Variants in SEZ6L observed in about 807,000 individuals in gnomAD.
SEZ6L encodes seizure 6-like protein.
A neutral mutation model predicts 106.2 loss-of-function variants in SEZ6L; 37 were observed. The observed-to-expected ratio is 0.35, with a 90% CI of 0.27 to 0.46. The LOEUF (loss-of-function observed/expected upper bound fraction) is 0.46, where lower values mean the gene tolerates loss of function less well. Among genes scored for constraint, SEZ6L ranks in the 20% least tolerant of loss-of-function variants. The pLI is 1.00. For missense variants in SEZ6L, 1,172 were observed against 1,332.8 expected, an observed-to-expected ratio of 0.88 and a Z score of 1.88; for synonymous variants, 541 against 570.4, an observed-to-expected ratio of 0.95 and a Z score of 0.73.
chr22:26,275,616 G>T (rs556412441), intron 1 of SEZ6L, among the ~76,000 whole-genome samples: 1 of 152,264 alleles, frequency 6.6e-6, no homozygotes, highest in South Asian at 2.1e-4. Flanking sequence ...GACTGTCCTA[G>T]CCCAGAGCTT....
At chr22:26,276,547 C>A (rs2080550096) in intron 1 of SEZ6L, among the ~76,000 whole-genome samples, 1 of 152,222 alleles carries the variant, frequency 6.6e-6, no homozygotes, top group African/African-American at 2.4e-5. Flanking sequence ...TATTATAATT[C>A]TCTACATAGG....
intron 1 of SEZ6L, among the ~76,000 whole-genome samples, chr22:26,199,983 T>TC: frequency 6.6e-6 from 1 of 152,268 alleles, no homozygotes; most frequent in South Asian, 2.1e-4. Flanking sequence ...ACAACAGCCC[T>TC]CCAACTTGAT....
intron 3 of SEZ6L, among the ~76,000 whole-genome samples, chr22:26,295,748 T>C (rs1379645816): frequency 6.6e-6 from 1 of 152,212 alleles, no homozygotes; most frequent in Non-Finnish European, 1.5e-5. Flanking sequence ...GCAAAGCTGT[T>C]GACACAGGAG....
rs563450794 is a variant in SEZ6L at position 26,296,908 on chromosome 22, C to T, written c.990C>T (p.Ser330=). 30 of 1,609,900 alleles carry T rather than the reference C, an allele frequency of 1.9e-5. No individual in the cohort carries two copies. In the Admixed American group the frequency reaches 2.0e-4, roughly 11 times the overall value. The change falls in exon 4 of 17, where the codon TCC becomes TCT. Residue 330 remains serine, a synonymous_variant. Transcript: ENST00000248933. ...VELQVKSVNL[S]DGELLSIRGV... ...CCCAGGTGAAGAGTGTGAACCTGTC[C>T]GATGGGGAACTGCTCTCCATCCGCG...
At chr22:26,286,611 C>T (rs764845286) in intron 1 of SEZ6L, among the ~76,000 whole-genome samples, 17 of 152,144 alleles carry the variant, frequency 1.1e-4, no homozygotes, top group Non-Finnish European at 2.4e-4. Context: ...TCTCCCAGCT[C>T]TCGTTTCTTC....
intron 3 of SEZ6L, among the ~76,000 whole-genome samples, chr22:26,295,687 C>T (rs970810113): frequency 4.6e-5 from 7 of 152,156 alleles, no homozygotes; most frequent in Non-Finnish European, 1.0e-4. Flanking sequence ...TGTGTGGAGC[C>T]TTTTACCAGG....
At position 26,346,025 on chromosome 22, in the gene SEZ6L, GT is replaced by G. The variant is rs5844689; in HGVS notation, c.2213-1684del. 1.8e-3 allele frequency among the ~76,000 whole-genome samples: 266 copies of G among 149,866 alleles called. 3 individuals carry two copies. Among genetic ancestry groups the G allele is most frequent in the African/African-American group, 6.0e-3 (245 of 40,882 alleles). ...ATTTTTATTTATTTCTGTTCAAATTGTTTTTTTTTTCTTTTCTTTTGAGACA... is the reference window on the plus strand; with the variant it reads ...ATTTTTATTTATTTCTGTTCAAATTGTTTTTTTTTCTTTTCTTTTGAGACA... On this transcript the variant is annotated intron_variant, in intron 10 of 16. Transcript: ENST00000248933.
At chr22:26,340,970 G>A (rs191559043) in intron 10 of SEZ6L, among the ~76,000 whole-genome samples, 139 of 152,238 alleles carry the variant, frequency 9.1e-4, no homozygotes, top group African/African-American at 3.1e-3. Flanking sequence ...TTTCATGTGT[G>A]GTCAGCTGAG....
intron 1 of SEZ6L, among the ~76,000 whole-genome samples, chr22:26,226,260 C>G (rs1021757756): frequency 2.0e-5 from 3 of 152,216 alleles, no homozygotes; most frequent in Non-Finnish European, 4.4e-5. Context: ...CTCCCCATTG[C>G]TTTCAGAATA....
chr22:26,212,209 A>T (rs1289196472), intron 1 of SEZ6L, among the ~76,000 whole-genome samples: 1 of 152,174 alleles, frequency 6.6e-6, no homozygotes, highest in Non-Finnish European at 1.5e-5. Flanking sequence ...CAGACCACAC[A>T]TGGCCTTTCA....
chr22:26,325,456 T>C (rs953385226), intron 9 of SEZ6L, among the ~76,000 whole-genome samples: 7 of 152,208 alleles, frequency 4.6e-5, no homozygotes, highest in African/African-American at 1.7e-4. Flanking sequence ...AAGGAACTTG[T>C]GTAAAATCTC....
intron 9 of SEZ6L, among the ~76,000 whole-genome samples, chr22:26,332,275 G>A (rs777999847): frequency 2.7e-5 from 4 of 150,136 alleles, no homozygotes; most frequent in African/African-American, 4.9e-5. Context: ...TCAGCCTCCC[G>A]AGTAGCTGGG....
chr22:26,363,430 A>G (rs1373417704), intron 12 of SEZ6L, among the ~76,000 whole-genome samples: 3 of 152,226 alleles, frequency 2.0e-5, no homozygotes, highest in Non-Finnish European at 4.4e-5. Context: ...TTGCTCAATA[A>G]ACATTATCTG....
At chr22:26,231,632 A>G (rs889307490) in intron 1 of SEZ6L, among the ~76,000 whole-genome samples, 1 of 152,078 alleles carries the variant, frequency 6.6e-6, no homozygotes, top group Non-Finnish European at 1.5e-5. Context: ...CATTTGTTCT[A>G]TTCTTCCTTT....
At chr22:26,366,354 C>G (rs2083812479) in intron 13 of SEZ6L, among the ~76,000 whole-genome samples, 1 of 150,810 alleles carries the variant, frequency 6.6e-6, no homozygotes, top group Non-Finnish European at 1.5e-5. Flanking sequence ...ACATAAAGGT[C>G]TTTAAGCTTT....
At chr22:26,220,786 A>G (rs1159702809) in intron 1 of SEZ6L, among the ~76,000 whole-genome samples, 1 of 152,182 alleles carries the variant, frequency 6.6e-6, no homozygotes, top group African/African-American at 2.4e-5. Context: ...GGGGTTTAGC[A>G]CCCAGTAAGC....
chr22:26,183,557 C>A lies in SEZ6L; in HGVS notation c.94+13794C>A, dbSNP rs1939548271. On this transcript the variant is annotated intron_variant, in intron 1 of 16. Transcript: ENST00000248933. ...AAGAAAAAAAAATCTAGTTGATGTTCCTTTAATGGGTGAAATAAATGTGTC... is the reference window on the plus strand; with the variant it reads ...AAGAAAAAAAAATCTAGTTGATGTTACTTTAATGGGTGAAATAAATGTGTC... 3.3e-5 allele frequency among the ~76,000 whole-genome samples: 5 copies of A among 152,156 alleles called. No individual in the cohort carries two copies. In the South Asian group the frequency reaches 1.0e-3, roughly 32 times the overall value.
At chr22:26,356,113 G>A (rs1056560982) in intron 12 of SEZ6L, among the ~76,000 whole-genome samples, 6 of 152,202 alleles carry the variant, frequency 3.9e-5, no homozygotes, top group Non-Finnish European at 8.8e-5. Flanking sequence ...GCAGGCACAC[G>A]CTAGGACAGA....
At chr22:26,299,715 C>T (rs1368923842) in intron 5 of SEZ6L, among the ~76,000 whole-genome samples, 1 of 152,112 alleles carries the variant, frequency 6.6e-6, no homozygotes, top group Admixed American at 6.5e-5. Context: ...TTTTGTTGAC[C>T]TGTTTATTCG....
Sources: gnomAD v4.1 joint callset for allele counts (sites outside exome capture counted in the v4.1 genomes callset) on GRCh38, gnomAD v4.1.1 for gene constraint, MANE v1.5 for transcripts, NCBI Gene and HGNC (gene_info 2026-07-23, HGNC 2026-07-21) for gene names.